The following HNF4A variants were observed in gnomAD, a reference collection of about 807,000 sequenced individuals.
HNF4A encodes the protein hepatocyte nuclear factor 4-alpha.
Under a neutral mutation model 52.4 loss-of-function variants are expected in HNF4A, and 15 were observed. The ratio of observed to expected loss-of-function variants is 0.29; its 90% CI spans 0.19 to 0.44. HNF4A has a LOEUF of 0.44. Among genes scored for constraint, HNF4A ranks in the 20% least tolerant of loss-of-function variants. HNF4A has a pLI of 1.00. For synonymous variants in HNF4A, 280 were observed against 264.4 expected, an observed-to-expected ratio of 1.06 and a Z score of -0.57; for missense variants, 479 against 647.2, an observed-to-expected ratio of 0.74 and a Z score of 2.82.
chr20:44,405,531 A>T (rs736822), intron 1 of HNF4A, among the ~76,000 whole-genome samples: 26,237 of 151,806 alleles, frequency 0.17, 2,690 homozygotes, highest in Middle Eastern at 0.27. Context: ...GATGGGAGGG[A>T]TGGGAGATGT....
Position 44,418,532 on chromosome 20 carries a change from T to C in HNF4A, c.736+20T>C, listed in dbSNP as rs1600731579. On this transcript the variant is annotated intron_variant, in intron 6 of 9. Coordinates refer to ENST00000316099, the MANE Select transcript of HNF4A (RefSeq NM_000457.6). The stretch of plus-strand genomic sequence containing the variant: ...TCCTAGGTGAGGCGGCTGCCTGCCC[T>C]GGCCAGGGCTCCAGGGAGGGTATGC... The C allele has an allele frequency of 1.9e-6, 3 of 1,585,188 alleles. No individual in the cohort carries two copies. In the South Asian group the frequency reaches 3.3e-5, roughly 17 times the overall value.
upstream of HNF4A, among the ~76,000 whole-genome samples, chr20:44,396,437 A>G (rs6017338): frequency 2.0e-5 from 3 of 151,936 alleles, no homozygotes; most frequent in Non-Finnish European, 4.4e-5. Context: ...TGCCTCCCCA[A>G]CTGCAGGTTG....
At chr20:44,384,433 CTG>C (rs1460688768) in intron 1 of HNF4A, 5 of 152,078 alleles carry the variant, frequency 3.3e-5, no homozygotes, top group African/African-American at 1.2e-4. Flanking sequence ...TTTGGAAAGA[CTG>C]TGTTCAGTCA....
chr20:44,398,885 G>T (rs2063376970), upstream of HNF4A, among the ~76,000 whole-genome samples: 2 of 152,190 alleles, frequency 1.3e-5, no homozygotes, highest in Admixed American at 1.3e-4. Flanking sequence ...ATTCTGACAT[G>T]ACATTGATCA....
chr20:44,376,928 G>A (rs1054553112), intron 1 of HNF4A, among the ~76,000 whole-genome samples: 1 of 152,004 alleles, frequency 6.6e-6, no homozygotes, highest in African/African-American at 2.4e-5. Flanking sequence ...TAGGCTGGGT[G>A]CAGTGGCTCA....
chr20:44,428,363 C>T lies in HNF4A; in HGVS notation c.1158C>T (p.His386=). 6.2e-7 allele frequency: 1 copy of T among 1,614,132 alleles called. No individual in the cohort carries two copies. Among genetic ancestry groups the T allele is most frequent in the African/African-American group, 1.3e-5 (1 of 75,030 alleles). ...CCCCCAGCGATGCACCCCATGCCCACCACCCCCTGCACCCTCACCTGATGC... is the reference window on the plus strand; with the variant it reads ...CCCCCAGCGATGCACCCCATGCCCATCACCCCCTGCACCCTCACCTGATGC... The change falls in exon 9 of 10, where the codon CAC becomes CAT. Residue 386 remains histidine, a synonymous_variant. Transcript: ENST00000316099.
At position 44,430,209 on chromosome 20, in the gene HNF4A, A is replaced by T; in HGVS notation, c.*544A>T. 6.4e-6 allele frequency: 1 copy of T among 155,480 alleles called. No homozygotes were observed. The highest frequency in any genetic ancestry group is 1.4e-5 in the Non-Finnish European group (1 of 70,166). 9.6% of individuals were successfully genotyped at this position (155,480 alleles called of 1,614,324 possible). On this transcript the variant is annotated 3_prime_UTR_variant, in exon 10 of 10. Transcript: ENST00000316099. ...CCGTCTTCTCCAACACCACCTCTCC[A>T]GAGGCCAAGGAGGCCTTGGAAACGA...
At chr20:44,424,987 AT>A (rs1368261757) in intron 8 of HNF4A, among the ~76,000 whole-genome samples, 4 of 152,166 alleles carry the variant, frequency 2.6e-5, no homozygotes, top group South Asian at 2.1e-4. Context: ...CAGACTAAGT[AT>A]TTTTATTCTT....
intron 7 of HNF4A, 112 bp from the exon 8 acceptor site, chr20:44,423,906 C>A: frequency 1.0e-6 from 1 of 962,818 alleles, no homozygotes; most frequent in Non-Finnish European, 1.6e-6. Flanking sequence ...CTTGTGCCCA[C>A]ACTGCTGAAG....
intron 1 of HNF4A, among the ~76,000 whole-genome samples, chr20:44,361,409 T>G (rs1305103661): frequency 6.6e-6 from 1 of 152,220 alleles, no homozygotes; most frequent in Non-Finnish European, 1.5e-5. Flanking sequence ...CCGTATTCAT[T>G]AATTCATTGT....
intron 1 of HNF4A, among the ~76,000 whole-genome samples, chr20:44,403,089 A>AG (rs1291697383): frequency 6.6e-6 from 1 of 152,200 alleles, no homozygotes; most frequent in African/African-American, 2.4e-5. Context: ...CTGCTGCACT[A>AG]GGTGGAGTGT....
chr20:44,382,290 G>A (rs2063165005), intron 1 of HNF4A, among the ~76,000 whole-genome samples: 3 of 150,584 alleles, frequency 2.0e-5, no homozygotes, highest in Admixed American at 6.6e-5. Context: ...CCGGGCTAGA[G>A]TGCGGTGGCG....
chr20:44,432,056 TGTG>T lies in HNF4A; in HGVS notation c.*2394_*2396del, dbSNP rs1013571885. 1 of 152,210 alleles carries T rather than the reference TGTG, an allele frequency of 6.6e-6. No homozygotes were observed. Among genetic ancestry groups the T allele is most frequent in the Non-Finnish European group, 1.5e-5 (1 of 68,064 alleles). The allele number at this position is 152,210 out of a possible 1,614,324, so 9.4% of individuals were successfully genotyped here. Reference sequence around the variant, plus strand: ...GGAGGCTGGAACCATTTCTGGGCATTGTGGTCATTCCCACTGTGTTCCTCCACC... The same window carrying T: ...GGAGGCTGGAACCATTTCTGGGCATTGTCATTCCCACTGTGTTCCTCCACC... On this transcript the variant is annotated 3_prime_UTR_variant, in exon 10 of 10. Coordinates refer to ENST00000316099, the MANE Select transcript of HNF4A (RefSeq NM_000457.6).
intron 1 of HNF4A, among the ~76,000 whole-genome samples, chr20:44,379,837 G>A (rs1337978094): frequency 6.0e-5 from 9 of 149,842 alleles, no homozygotes; most frequent in African/African-American, 1.7e-4. Context: ...AGGTTCAAGC[G>A]ATTCTCCTAC....
At chr20:44,417,594 A>G (rs1163919364) in intron 5 of HNF4A, among the ~76,000 whole-genome samples, 3 of 152,166 alleles carry the variant, frequency 2.0e-5, no homozygotes, top group Non-Finnish European at 4.4e-5. Context: ...TGCACTTCAG[A>G]GTCAACTATG....
intron 1 of HNF4A, among the ~76,000 whole-genome samples, chr20:44,378,245 C>A (rs1456799266): frequency 6.6e-6 from 1 of 151,018 alleles, no homozygotes; most frequent in Non-Finnish European, 1.5e-5. Flanking sequence ...TTTTTTAGCA[C>A]TCTTAGAAAC....
At chr20:44,393,516 A>G (rs116424065) in intron 1 of HNF4A, among the ~76,000 whole-genome samples, 270 of 152,358 alleles carry the variant, frequency 1.8e-3, no homozygotes, top group African/African-American at 6.3e-3. Flanking sequence ...CTCTAGAGAC[A>G]GACTGCCCAA....
intron 1 of HNF4A, among the ~76,000 whole-genome samples, chr20:44,403,624 A>G (rs748560251): frequency 2.0e-4 from 30 of 152,148 alleles, no homozygotes; most frequent in Non-Finnish European, 3.1e-4. Context: ...CCCCACCCCA[A>G]TGGAGCAGCA....
chr20:44,407,323 C>A, intron 2 of HNF4A, 58 bp from the exon 3 acceptor site: 1 of 1,298,324 alleles, frequency 7.7e-7, no homozygotes, highest in Non-Finnish European at 1.1e-6. Context: ...GGCCCTAGTT[C>A]TGTCCTAAGA....
Sources: allele counts gnomAD v4.1 joint callset (sites outside exome capture counted in the v4.1 genomes callset), GRCh38; gene constraint gnomAD v4.1.1; transcripts MANE v1.5; gene names NCBI Gene and HGNC (gene_info 2026-07-23, HGNC 2026-07-21).